The following ZNF654 variants were observed in gnomAD, a reference collection of about 807,000 sequenced individuals.
The protein encoded by ZNF654 is melanoma-associated antigen.
Under a neutral mutation model 95.3 loss-of-function variants are expected in ZNF654, and 19 were observed. That is an observed-to-expected ratio of 0.20 (90% CI 0.14 to 0.29). The LOEUF (loss-of-function observed/expected upper bound fraction) is 0.29, where lower values mean the gene tolerates loss of function less well. ZNF654 is among the 10% of genes least tolerant of loss of function. ZNF654 has a pLI of 1.00. For synonymous variants in ZNF654, 413 were observed against 457.9 expected (o/e 0.90, Z 1.25); for missense variants, 1,046 against 1,341.0 (o/e 0.78, Z 3.44).
chr3:88,120,241 A>C (rs927750349), intron 3 of ZNF654, among the ~76,000 whole-genome samples: 6 of 152,156 alleles, frequency 3.9e-5, no homozygotes, highest in African/African-American at 1.4e-4. Flanking sequence ...CCTAAGTCTT[A>C]CTCTTAACCC....
intron 2 of ZNF654, among the ~76,000 whole-genome samples, chr3:88,096,363 T>C (rs1169082217): frequency 6.6e-6 from 1 of 151,944 alleles, no homozygotes; most frequent in Non-Finnish European, 1.5e-5. Flanking sequence ...CAGCACCGAT[T>C]TGTGTGAGAG....
At chr3:88,090,893 G>C (rs779485856) in intron 2 of ZNF654, among the ~76,000 whole-genome samples, 3 of 152,190 alleles carry the variant, frequency 2.0e-5, no homozygotes, top group Non-Finnish European at 4.4e-5. Context: ...ATTACGTAAT[G>C]TTTTAAGAAA....
intron 1 of ZNF654, among the ~76,000 whole-genome samples, chr3:88,059,789 T>C (rs1188784552): frequency 1.3e-5 from 2 of 152,132 alleles, no homozygotes; most frequent in Non-Finnish European, 2.9e-5. Context: ...TGTCCTGACA[T>C]GCCTTCCCTA....
intron 2 of ZNF654, among the ~76,000 whole-genome samples, chr3:88,089,571 A>G (rs1333061575): frequency 6.6e-6 from 1 of 152,166 alleles, no homozygotes; most frequent in African/African-American, 2.4e-5. Flanking sequence ...TTCTGAATCT[A>G]GAGAATAAAA....
At chr3:88,075,351 G>C (rs1017920922) in intron 1 of ZNF654, among the ~76,000 whole-genome samples, 3 of 152,158 alleles carry the variant, frequency 2.0e-5, no homozygotes, top group Non-Finnish European at 2.9e-5. Flanking sequence ...ATGTGCCAAG[G>C]CATTTTTAGT....
At chr3:88,114,721 G>T (rs1316255443) in intron 3 of ZNF654, among the ~76,000 whole-genome samples, 1 of 152,108 alleles carries the variant, frequency 6.6e-6, no homozygotes, top group Non-Finnish European at 1.5e-5. Context: ...TTTACCTAGA[G>T]AAACATCCTT....
intron 2 of ZNF654, among the ~76,000 whole-genome samples, chr3:88,095,159 A>G (rs1703984020): frequency 6.6e-6 from 1 of 152,080 alleles, no homozygotes; most frequent in South Asian, 2.1e-4. Context: ...ATAAGAAAAA[A>G]TTTGCTCCTT....
Position 88,102,298 on chromosome 3 carries a change from C to T in ZNF654, c.333-10817C>T, listed in dbSNP as rs540893357. Among the ~76,000 whole-genome samples the T allele has an allele frequency of 6.6e-5, 10 of 152,252 alleles. No individual in the cohort carries two copies. In the South Asian group the frequency reaches 1.7e-3, roughly 25 times the overall value. ...TATTGTGTTTTCTTCAGGGATGCTA[C>T]CTGAAGGGGAACAACAGCTGTCTTG... On this transcript the variant is annotated intron_variant, in intron 2 of 8. Coordinates refer to ENST00000636215, the MANE Select transcript of ZNF654 (RefSeq NM_001350134.2).
intron 3 of ZNF654, among the ~76,000 whole-genome samples, chr3:88,123,011 CAAAAAAA>C (rs1289535548): frequency 2.6e-5 from 2 of 76,148 alleles, no homozygotes; most frequent in Admixed American, 2.9e-4. Flanking sequence ...CTCTGAGTCT[CAAAAAAA>C]AAAAAAAAGT....
chr3:88,131,765 C>A (rs535754924), intron 6 of ZNF654, among the ~76,000 whole-genome samples: 7 of 152,114 alleles, frequency 4.6e-5, no homozygotes, highest in African/African-American at 1.7e-4. Flanking sequence ...TCTTCTACCT[C>A]TTTTCTATAT....
Position 88,086,391 on chromosome 3 carries a change from T to C in ZNF654, c.321T>C (p.Ser107=), listed in dbSNP as rs1352468853. The change falls in exon 2 of 9, where the codon AGT becomes AGC. Residue 107 remains serine (S), a synonymous_variant. Transcript: ENST00000636215. The part of the protein sequence containing the change: ...DECEHVQYVL[S]SLAVSFFELL... Reference sequence around the variant, plus strand: ...GTGAGCATGTACAATATGTTTTGAGTAGCCTTGCTGTGTAAGTACTTTTTA... The same window carrying C: ...GTGAGCATGTACAATATGTTTTGAGCAGCCTTGCTGTGTAAGTACTTTTTA... 2.0e-6 allele frequency: 3 copies of C among 1,531,472 alleles called. No individual in the cohort carries two copies. Among genetic ancestry groups the C allele is most frequent in the East Asian group, 4.9e-5 (2 of 40,876 alleles). 94.9% of individuals were successfully genotyped at this position (1,531,472 alleles called of 1,614,324 possible). A position where few individuals can be genotyped will look rare whatever the true frequency, so the allele number is the denominator to read the frequency against.
At chr3:88,092,449 A>T (rs1703799383) in intron 2 of ZNF654, among the ~76,000 whole-genome samples, 1 of 152,116 alleles carries the variant, frequency 6.6e-6, no homozygotes, top group Non-Finnish European at 1.5e-5. Flanking sequence ...CAGGGACTTG[A>T]CCTGTCTTGG....
At chr3:88,124,606 A>G (rs55932154) in intron 3 of ZNF654, among the ~76,000 whole-genome samples, 10,279 of 152,290 alleles carry the variant, frequency 0.067, 480 homozygotes, top group Non-Finnish European at 0.1. Flanking sequence ...GCCACTTTGA[A>G]TATGTAGCCT....
At chr3:88,125,983 G>A (rs890778634) in intron 3 of ZNF654, 151 bp from the exon 4 acceptor site, 29 of 720,048 alleles carry the variant, frequency 4.0e-5, no homozygotes, top group East Asian at 1.2e-4. Flanking sequence ...ATGGGGTTTC[G>A]ACACCCTACT....
At chr3:88,081,015 C>T (rs1181118997) in intron 1 of ZNF654, among the ~76,000 whole-genome samples, 7 of 152,182 alleles carry the variant, frequency 4.6e-5, no homozygotes, top group Non-Finnish European at 4.4e-5. Flanking sequence ...TCCTTAGTCT[C>T]TTCCAGCCTG....
At chr3:88,122,183 C>A (rs1705809177) in intron 3 of ZNF654, among the ~76,000 whole-genome samples, 1 of 151,934 alleles carries the variant, frequency 6.6e-6, no homozygotes, top group Admixed American at 6.6e-5. Flanking sequence ...GATTTAGATA[C>A]GTTCATGGAA....
intron 2 of ZNF654, among the ~76,000 whole-genome samples, chr3:88,087,924 T>C (rs1250910512): frequency 1.1e-4 from 16 of 152,196 alleles, no homozygotes; most frequent in Non-Finnish European, 1.9e-4. Flanking sequence ...CTTTGAGTGC[T>C]AACGTGATAC....
chr3:88,101,997 T>A (rs1704453628), intron 2 of ZNF654, among the ~76,000 whole-genome samples: 1 of 151,678 alleles, frequency 6.6e-6, no homozygotes, highest in Non-Finnish European at 1.5e-5. Context: ...TTAAATTGTA[T>A]TATTTGTCAT....
intron 1 of ZNF654, among the ~76,000 whole-genome samples, chr3:88,064,109 C>CTTTTTT (rs34753092): frequency 6.8e-6 from 1 of 147,904 alleles, no homozygotes; most frequent in Non-Finnish European, 1.5e-5. Flanking sequence ...CGAGCTTCTT[C>CTTTTTT]TTTTTTTTTT....
Sources: gnomAD v4.1 joint callset for allele counts (sites outside exome capture counted in the v4.1 genomes callset) on GRCh38, gnomAD v4.1.1 for gene constraint, MANE v1.5 for transcripts, NCBI Gene and HGNC (gene_info 2026-07-23, HGNC 2026-07-21) for gene names.